The following SDK1 variants were observed in gnomAD, a reference collection of about 807,000 sequenced individuals.
The protein encoded by SDK1 is protein sidekick-1.
In SDK1, 157 loss-of-function variants were observed where a neutral mutation model predicts 245.5. That is an observed-to-expected ratio of 0.64 (90% CI 0.56 to 0.73). The LOEUF (loss-of-function observed/expected upper bound fraction) is 0.73, where lower values mean the gene tolerates loss of function less well. Among genes scored for constraint, SDK1 ranks in the 30% least tolerant of loss-of-function variants. The pLI is 0.00. For synonymous variants in SDK1, 1,647 were observed against 1,278.5 expected, an observed-to-expected ratio of 1.29 and a Z score of -6.15; for missense variants, 3,583 against 3,002.3, an observed-to-expected ratio of 1.19 and a Z score of -4.52.
intron 1 of SDK1, among the ~76,000 whole-genome samples, chr7:3,463,527 T>G (rs910992357): frequency 2.4e-5 from 3 of 125,708 alleles, no homozygotes; most frequent in African/African-American, 4.3e-5. Context: ...TATAATTGAA[T>G]GAAAAGTGCA....
intron 16 of SDK1, 79 bp from the exon 17 acceptor site, chr7:4,017,092 C>G: frequency 4.3e-6 from 6 of 1,384,300 alleles, no homozygotes; most frequent in Non-Finnish European, 5.9e-6. Flanking sequence ...TCCCCCTAAC[C>G]CTGCGGAATA....
In SDK1 at chr7:3,667,773, G is replaced by T. The variant is rs184908789; in HGVS notation, c.713+25668G>T. 1.2e-4 allele frequency among the ~76,000 whole-genome samples: 19 copies of T among 152,278 alleles called. No individual in the cohort carries two copies. In the East Asian group the frequency reaches 3.7e-3, roughly 29 times the overall value. On this transcript the variant is annotated intron_variant, in intron 4 of 44. Transcript: ENST00000404826. Reference sequence around the variant, plus strand: ...ACTCATCTCTTTGTTGCACATATCAGTACTTTGTTCTTCTTTATTCATAAG... The same window carrying T: ...ACTCATCTCTTTGTTGCACATATCATTACTTTGTTCTTCTTTATTCATAAG...
intron 1 of SDK1, among the ~76,000 whole-genome samples, chr7:3,543,353 T>A (rs1469757671): frequency 6.6e-6 from 1 of 152,216 alleles, no homozygotes; most frequent in East Asian, 1.9e-4. Flanking sequence ...CTGTTGCAAG[T>A]GTGAGGATGA....
chr7:4,242,840 G>A lies in SDK1; in HGVS notation c.6251+927G>A, dbSNP rs902694093. Among the ~76,000 whole-genome samples the A allele has an allele frequency of 3.9e-5, 6 of 152,152 alleles. No homozygotes were observed. The East Asian group carries it at 5.8e-4, about 15-fold the overall frequency. ...TTTGGAGATTCCCTGGGCCGCCCCCGCCCTCCACTGAATTTGGGAATCTTA... is the reference window on the plus strand; with the variant it reads ...TTTGGAGATTCCCTGGGCCGCCCCCACCCTCCACTGAATTTGGGAATCTTA... On this transcript the variant is annotated intron_variant, in intron 43 of 44. Transcript: ENST00000404826.
chr7:3,899,907 G>A (rs1333902011), intron 5 of SDK1, among the ~76,000 whole-genome samples: 1 of 152,210 alleles, frequency 6.6e-6, no homozygotes, highest in Non-Finnish European at 1.5e-5. Context: ...GGCATTGTGT[G>A]GAAATCACAG....
chr7:4,181,668 C>G (rs674794), intron 35 of SDK1, among the ~76,000 whole-genome samples: 48,646 of 152,126 alleles, frequency 0.32, 7,900 homozygotes, highest in Middle Eastern at 0.45. Flanking sequence ...GCCCAGAGGC[C>G]TGGGCTCTGC....
At chr7:4,099,536 C>T (rs750304807) in intron 22 of SDK1, among the ~76,000 whole-genome samples, 1 of 93,056 alleles carries the variant, frequency 1.1e-5, no homozygotes, top group African/African-American at 4.0e-5. Flanking sequence ...AGGACAGAGG[C>T]ATGAAGCCCT....
At chr7:3,996,376 T>C (rs1259504898) in intron 14 of SDK1, among the ~76,000 whole-genome samples, 1 of 152,234 alleles carries the variant, frequency 6.6e-6, no homozygotes, top group Non-Finnish European at 1.5e-5. Context: ...CATTTATTCT[T>C]CCAGAAAAAA....
intron 1 of SDK1, among the ~76,000 whole-genome samples, chr7:3,525,576 T>C (rs867713118): frequency 6.6e-6 from 1 of 152,158 alleles, no homozygotes; most frequent in Admixed American, 6.5e-5. Flanking sequence ...TCCTTCTGAT[T>C]GCAAAGGCCT....
rs1324680349 is a variant in SDK1 at position 3,821,559 on chromosome 7, C to G, written c.823C>G (p.Pro275Ala). Residue 275 changes from proline (P) to alanine (A), a missense_variant, in exon 5 of 45, where the codon CCA becomes GCA. Transcript: ENST00000404826. ...NEKNGENKTS[P>A]FIHLSIARDV... ...GAAAAATGGAGAAAACAAGACAAGC[C>G]CATTCATTCATTTGAGCATAGCAAG... 8 of 1,613,504 alleles carry G rather than the reference C, an allele frequency of 5.0e-6. No individual in the cohort carries two copies. In the Admixed American group the frequency reaches 1.2e-4, roughly 24 times the overall value.
chr7:3,821,608 A>G, intron 5 of SDK1, 25 bp downstream of exon 5: 2 of 1,608,482 alleles, frequency 1.2e-6, no homozygotes, highest in South Asian at 1.1e-5. Context: ...CCCAAATGGT[A>G]ATTCTGCAAG....
chr7:4,126,984 C>A (rs914517803), intron 25 of SDK1, among the ~76,000 whole-genome samples: 4 of 152,150 alleles, frequency 2.6e-5, no homozygotes, highest in African/African-American at 4.8e-5. Flanking sequence ...CCTCACGCCC[C>A]CTTCTCTCTT....
chr7:3,669,331 G>A (rs920927427), intron 4 of SDK1, among the ~76,000 whole-genome samples: 1 of 152,084 alleles, frequency 6.6e-6, no homozygotes, highest in Non-Finnish European at 1.5e-5. Context: ...CCTTGTTGCA[G>A]AATTTTTATA....
intron 1 of SDK1, among the ~76,000 whole-genome samples, chr7:3,605,454 G>A (rs181688327): frequency 1.1e-4 from 16 of 152,292 alleles, no homozygotes; most frequent in Admixed American, 6.5e-4. Context: ...GCTCAGGCAT[G>A]TAAGACCTTC....
chr7:3,800,931 T>A (rs977336837), intron 4 of SDK1, among the ~76,000 whole-genome samples: 1 of 152,204 alleles, frequency 6.6e-6, no homozygotes, highest in Non-Finnish European at 1.5e-5. Flanking sequence ...TTGGTTCTAG[T>A]TGAACACCCT....
chr7:4,041,883 G>A lies in SDK1; in HGVS notation c.2603-7465G>A, dbSNP rs781236101. 2.3e-5 allele frequency among the ~76,000 whole-genome samples: 3 copies of A among 132,192 alleles called. 1 individual carries two copies. Among genetic ancestry groups the A allele is most frequent in the Admixed American group, 7.0e-5 (1 of 14,216 alleles). 86.7% of individuals were successfully genotyped at this position (132,192 alleles called of 152,430 possible). A position where few individuals can be genotyped will look rare whatever the true frequency, so the allele number is the denominator to read the frequency against. On this transcript the variant is annotated intron_variant, in intron 17 of 44. Coordinates refer to ENST00000404826, the MANE Select transcript of SDK1 (RefSeq NM_152744.4). ...GGCTGGAGTGCAGTGGTGAGATCTC[G>A]GCTCACTGCAACCTCCGCCTCCCAG... is the stretch of plus-strand genomic sequence containing the variant.
intron 22 of SDK1, among the ~76,000 whole-genome samples, chr7:4,101,833 A>G (rs1420376976): frequency 6.6e-6 from 1 of 152,112 alleles, no homozygotes; most frequent in Non-Finnish European, 1.5e-5. Flanking sequence ...GAAGCCATGC[A>G]AGAGAGAAGA....
intron 13 of SDK1, among the ~76,000 whole-genome samples, chr7:3,981,810 T>G (rs1009678352): frequency 6.6e-6 from 1 of 152,086 alleles, no homozygotes; most frequent in East Asian, 1.9e-4. Context: ...TTTGTGAGAT[T>G]TAAGGAAAGA....
chr7:3,346,946 T>C (rs1345247347), intron 1 of SDK1, among the ~76,000 whole-genome samples: 8 of 148,072 alleles, frequency 5.4e-5, no homozygotes, highest in Non-Finnish European at 8.9e-5. Context: ...GCTAGAATTA[T>C]AGGCATGAGC....
Sources: allele counts gnomAD v4.1 joint callset (sites outside exome capture counted in the v4.1 genomes callset), GRCh38; gene constraint gnomAD v4.1.1; transcripts MANE v1.5; gene names NCBI Gene and HGNC (gene_info 2026-07-23, HGNC 2026-07-21).